Variants in AGO3 observed in about 807,000 individuals in gnomAD.
The protein encoded by AGO3 is protein argonaute-3.
In AGO3, 16 loss-of-function variants were observed where a neutral mutation model predicts 105.5. The observed-to-expected ratio is 0.15, with a 90% confidence interval of 0.10 to 0.23. The LOEUF (loss-of-function observed/expected upper bound fraction) is 0.23. Ranked by LOEUF, AGO3 falls within the 10% of genes least tolerant of loss-of-function variation. AGO3 has a pLI of 1.00. For missense variants in AGO3, 534 were observed against 1,088.0 expected (o/e 0.49, Z 7.16); for synonymous variants, 340 against 367.3 (o/e 0.93, Z 0.85).
At chr1:35,974,149 T>G (rs942646988) in intron 5 of AGO3, among the ~76,000 whole-genome samples, 1 of 152,216 alleles carries the variant, frequency 6.6e-6, no homozygotes, top group East Asian at 1.9e-4. Context: ...TATTTTCTTA[T>G]AGCAGCAATG....
At position 36,055,289 on chromosome 1, in the gene AGO3, A is replaced by G. The variant is rs910272372; in HGVS notation, c.2474+144A>G. On this transcript the variant is annotated intron_variant, in intron 18 of 18. Transcript: ENST00000373191. This position sits in a 1 kb window ranked among gnomAD's most constrained non-coding sequence, Gnocchi z 4.4. ...CTGACTGCCCAAGGTTTCCTATTGAAATATATTGTCTAGGCTCATTAGTAA... is the reference window on the plus strand; with the variant it reads ...CTGACTGCCCAAGGTTTCCTATTGAGATATATTGTCTAGGCTCATTAGTAA... 5.2e-5 allele frequency: 43 copies of G among 831,534 alleles called. No individual in the cohort carries two copies. The highest frequency in any genetic ancestry group is 7.7e-5 in the Non-Finnish European group (41 of 534,956). 51.5% of individuals were successfully genotyped at this position (831,534 alleles called of 1,614,324 possible).
chr1:36,019,403 T>C (rs78445794), intron 11 of AGO3, among the ~76,000 whole-genome samples: 1,710 of 152,312 alleles, frequency 0.011, 41 homozygotes, highest in African/African-American at 0.037. Flanking sequence ...TAGTTTTGCC[T>C]AATGCTCTTA....
intron 17 of AGO3, among the ~76,000 whole-genome samples, chr1:36,048,475 A>G (rs1642568059): frequency 6.6e-6 from 1 of 152,218 alleles, no homozygotes; most frequent in South Asian, 2.1e-4. Context: ...AAACAACAGT[A>G]TAAAACTCAC....
chr1:35,987,818 C>T (rs978519461), intron 5 of AGO3, among the ~76,000 whole-genome samples: 2 of 151,496 alleles, frequency 1.3e-5, no homozygotes, highest in East Asian at 3.9e-4. Context: ...ACCTGTAATC[C>T]CAGCACTTTG....
At chr1:36,007,934 A>G (rs970047088) in intron 6 of AGO3, among the ~76,000 whole-genome samples, 2 of 152,182 alleles carry the variant, frequency 1.3e-5, no homozygotes, top group African/African-American at 2.4e-5. Flanking sequence ...TTGAACCCCT[A>G]GAGTCCACAG....
At chr1:36,032,953 C>T (rs985611687) in intron 12 of AGO3, among the ~76,000 whole-genome samples, 2 of 151,512 alleles carry the variant, frequency 1.3e-5, no homozygotes, top group Admixed American at 6.6e-5. Flanking sequence ...GGTGAAACTC[C>T]ATCTCTACTA....
chr1:36,038,234 C>T (rs540549772), intron 14 of AGO3, among the ~76,000 whole-genome samples: 7 of 148,218 alleles, frequency 4.7e-5, no homozygotes, highest in South Asian at 4.3e-4. Flanking sequence ...TTGTTCCATC[C>T]GAGGGTCTGG....
At chr1:35,993,025 TGA>T (rs1384268567) in intron 5 of AGO3, among the ~76,000 whole-genome samples, 1 of 152,202 alleles carries the variant, frequency 6.6e-6, no homozygotes, top group African/African-American at 2.4e-5. Context: ...CAGGAATTCA[TGA>T]GAGAGCAAGG....
chr1:35,990,651 GTAGT>G (rs890822536), intron 5 of AGO3, among the ~76,000 whole-genome samples: 1 of 152,176 alleles, frequency 6.6e-6, no homozygotes, highest in Non-Finnish European at 1.5e-5. Context: ...TTTCTGCAAA[GTAGT>G]TAGAAGTTCA....
chr1:35,942,895 C>T (rs1435389832), intron 1 of AGO3, among the ~76,000 whole-genome samples: 2 of 152,200 alleles, frequency 1.3e-5, no homozygotes. Flanking sequence ...CATATCTCAA[C>T]TCCCGGTGAC....
At chr1:36,049,174 A>G (rs1160533850) in intron 17 of AGO3, among the ~76,000 whole-genome samples, 1 of 152,190 alleles carries the variant, frequency 6.6e-6, no homozygotes, top group Admixed American at 6.5e-5. Context: ...ATAACATGGG[A>G]ATAATAAACA....
intron 11 of AGO3, among the ~76,000 whole-genome samples, chr1:36,017,097 G>C (rs976271645): frequency 6.6e-6 from 1 of 152,102 alleles, no homozygotes; most frequent in African/African-American, 2.4e-5. Context: ...ACATTTCTTT[G>C]AGTTTCTGTT....
chr1:35,980,303 CTGTT>C (rs1647030218), intron 5 of AGO3, among the ~76,000 whole-genome samples: 2 of 152,288 alleles, frequency 1.3e-5, no homozygotes, highest in African/African-American at 4.8e-5. Flanking sequence ...TGACTCCTAC[CTGTT>C]GCACATGAGG....
In AGO3 at chr1:35,977,391, A is replaced by ATT. The variant is rs35048209; in HGVS notation, c.658+3898_658+3899dup. ...CAAAGTAGTTTCTATCGTTATTATGATTTTTTTTTTTTTTTTTTTGAGACA... is the reference window on the plus strand; with the variant it reads ...CAAAGTAGTTTCTATCGTTATTATGATTTTTTTTTTTTTTTTTTTTTGAGACA... On this transcript the variant is annotated intron_variant, in intron 5 of 18. Coordinates refer to ENST00000373191, the MANE Select transcript of AGO3 (RefSeq NM_024852.4). 5.5e-3 allele frequency among the ~76,000 whole-genome samples: 710 copies of ATT among 128,322 alleles called. 8 individuals are homozygous for ATT. The highest frequency in any genetic ancestry group is 0.019 in the African/African-American group (656 of 34,510). 84.2% of individuals were successfully genotyped at this position (128,322 alleles called of 152,430 possible).
At chr1:35,967,159 C>A in intron 3 of AGO3, 84 bp downstream of exon 3, 3 of 1,456,576 alleles carry the variant, frequency 2.1e-6, no homozygotes, top group Admixed American at 2.4e-5. Flanking sequence ...TTATTACAGT[C>A]CATATATATG....
intron 17 of AGO3, among the ~76,000 whole-genome samples, chr1:36,054,207 A>G (rs1024942021): frequency 1.2e-4 from 18 of 152,298 alleles, no homozygotes; most frequent in Admixed American, 1.2e-3. Flanking sequence ...ATAATATTTC[A>G]CAGAGACTAA....
chr1:36,037,355 G>A, intron 14 of AGO3, among the ~76,000 whole-genome samples: 1 of 152,008 alleles, frequency 6.6e-6, no homozygotes, highest in East Asian at 1.9e-4. Context: ...AACCCCATCT[G>A]TATAAAAAAT....
At chr1:36,021,476 T>A (rs987328819) in intron 11 of AGO3, among the ~76,000 whole-genome samples, 4 of 152,126 alleles carry the variant, frequency 2.6e-5, no homozygotes, top group African/African-American at 9.7e-5. Flanking sequence ...GAATATATAT[T>A]AATATTTATA....
intron 3 of AGO3, among the ~76,000 whole-genome samples, chr1:35,967,768 C>A (rs930540151): frequency 2.0e-5 from 3 of 152,132 alleles, no homozygotes; most frequent in Admixed American, 6.6e-5. Flanking sequence ...AACCCTTGTA[C>A]AGTTATCAAG....
Sources: allele counts gnomAD v4.1 joint callset (sites outside exome capture counted in the v4.1 genomes callset), GRCh38; gene constraint gnomAD v4.1.1; non-coding constraint Gnocchi (gnomAD v3.1); transcripts MANE v1.5; gene names NCBI Gene and HGNC (gene_info 2026-07-23, HGNC 2026-07-21).